PPM1L: variants seen among roughly 807,000 people sequenced by gnomAD.
PPM1L encodes protein phosphatase 1L.
In PPM1L, 13 loss-of-function variants were observed where a neutral mutation model predicts 31.4. The ratio of observed to expected loss-of-function variants is 0.41; its 90% CI spans 0.27 to 0.66. PPM1L has a LOEUF of 0.66. Among genes scored for constraint, PPM1L ranks in the 30% least tolerant of loss-of-function variants. The pLI is 0.29. For synonymous variants in PPM1L, 184 were observed against 175.4 expected (o/e 1.05, Z -0.39); for missense variants, 326 against 453.7 (o/e 0.72, Z 2.56).
At chr3:161,058,707 A>G (rs1315578541) in intron 2 of PPM1L, among the ~76,000 whole-genome samples, 1 of 152,050 alleles carries the variant, frequency 6.6e-6, no homozygotes, top group Non-Finnish European at 1.5e-5. Context: ...CCCACTCTGA[A>G]TGTTTGAAAA....
At chr3:160,920,442 GACC>G (rs1714347294) in intron 1 of PPM1L, among the ~76,000 whole-genome samples, 1 of 151,994 alleles carries the variant, frequency 6.6e-6, no homozygotes, top group African/African-American at 2.4e-5. Context: ...AAAACCTGAA[GACC>G]ACCAAAGCCT....
At chr3:160,954,605 C>G (rs552754584) in intron 1 of PPM1L, among the ~76,000 whole-genome samples, 5 of 152,204 alleles carry the variant, frequency 3.3e-5, no homozygotes, top group Admixed American at 1.3e-4. Flanking sequence ...CTCAAATGAT[C>G]CGCCCACCTC....
intron 1 of PPM1L, among the ~76,000 whole-genome samples, chr3:160,917,746 AG>A (rs1714239339): frequency 6.6e-6 from 1 of 152,168 alleles, no homozygotes; most frequent in Admixed American, 6.5e-5. Context: ...TTTCAAAGGA[AG>A]GCCAATTTGG....
intron 1 of PPM1L, among the ~76,000 whole-genome samples, chr3:160,899,064 A>G (rs1447622): frequency 0.33 from 49,566 of 151,846 alleles, 8,518 homozygotes; most frequent in East Asian, 0.51. Flanking sequence ...TGTTCCAGAT[A>G]CTGTGCTGGG....
intron 1 of PPM1L, among the ~76,000 whole-genome samples, chr3:160,823,173 C>T (rs911222308): frequency 6.6e-6 from 1 of 151,998 alleles, no homozygotes; most frequent in Admixed American, 6.6e-5. Flanking sequence ...AGATGAAATT[C>T]AGGGGACTTC....
At chr3:160,924,838 A>T (rs987506062) in intron 1 of PPM1L, among the ~76,000 whole-genome samples, 19 of 152,216 alleles carry the variant, frequency 1.2e-4, no homozygotes, top group African/African-American at 4.6e-4. Context: ...TGAACCTGAA[A>T]TTACAAGCTA....
chr3:160,862,859 T>C (rs1202489773), intron 1 of PPM1L, among the ~76,000 whole-genome samples: 2 of 152,176 alleles, frequency 1.3e-5, no homozygotes, highest in Non-Finnish European at 2.9e-5. Context: ...TTAAAAGCAC[T>C]AGTGTAAAGA....
At chr3:160,966,668 A>G (rs1011788873) in intron 2 of PPM1L, among the ~76,000 whole-genome samples, 1 of 152,132 alleles carries the variant, frequency 6.6e-6, no homozygotes, top group Non-Finnish European at 1.5e-5. Flanking sequence ...TAGACTTCAG[A>G]AAACATAAGA....
chr3:160,903,090 C>T (rs17826412), intron 1 of PPM1L, among the ~76,000 whole-genome samples: 3,935 of 151,444 alleles, frequency 0.026, 82 homozygotes, highest in Middle Eastern at 0.034. Context: ...GACAGTGATA[C>T]GAAATCATTG....
intron 2 of PPM1L, among the ~76,000 whole-genome samples, chr3:161,001,829 T>C (rs906203393): frequency 5.9e-5 from 9 of 152,136 alleles, no homozygotes; most frequent in Non-Finnish European, 1.3e-4. Flanking sequence ...TAAGGATCTT[T>C]CTTTTTTTTA....
intron 2 of PPM1L, among the ~76,000 whole-genome samples, chr3:161,057,830 A>G (rs1160978548): frequency 6.6e-6 from 1 of 151,862 alleles, no homozygotes; most frequent in Non-Finnish European, 1.5e-5. Flanking sequence ...TTCACTTGTC[A>G]TCATGCTTGC....
At chr3:160,767,428 T>A (rs1229822902) in intron 1 of PPM1L, among the ~76,000 whole-genome samples, 3 of 151,836 alleles carry the variant, frequency 2.0e-5, no homozygotes, top group Non-Finnish European at 4.4e-5. Context: ...AGAGATGGGG[T>A]TTTGCCATGT....
rs150570576 is a variant in PPM1L at position 160,784,982 on chromosome 3, T to A, written c.399+28275T>A. ...CTGACCAGTCTATCTGGCTCTGTGG[T>A]TGTTCTGAGGGTGACTGGAAACTTT... On this transcript the variant is annotated intron_variant, in intron 1 of 3. Transcript: ENST00000498165. Among the ~76,000 whole-genome samples the A allele has an allele frequency of 5.7e-4, 87 of 152,206 alleles. No homozygotes were observed. The East Asian group carries it at 0.012, about 22-fold the overall frequency.
chr3:160,981,731 A>G (rs1345556089), intron 2 of PPM1L, among the ~76,000 whole-genome samples: 2 of 103,430 alleles, frequency 1.9e-5, no homozygotes, highest in African/African-American at 7.1e-5. Context: ...TTTCCTTCTC[A>G]TTTTATTTAT....
At chr3:160,945,977 G>A (rs961951769) in intron 1 of PPM1L, among the ~76,000 whole-genome samples, 28 of 152,024 alleles carry the variant, frequency 1.8e-4, no homozygotes. Context: ...TTATGTTATT[G>A]GTAAGGCTGT....
intron 1 of PPM1L, chr3:160,842,412 G>A (rs1016853336): frequency 7.2e-5 from 48 of 668,640 alleles, no homozygotes; most frequent in Non-Finnish European, 1.3e-4. Context: ...GCCAGGCAAG[G>A]GAATTTGGAC....
At chr3:160,948,899 A>G (rs1327395734) in intron 1 of PPM1L, among the ~76,000 whole-genome samples, 2 of 152,116 alleles carry the variant, frequency 1.3e-5, no homozygotes, top group Admixed American at 1.3e-4. Context: ...AAAAATACAC[A>G]TGTCTAGACC....
chr3:161,047,056 G>A (rs953957297), intron 2 of PPM1L, among the ~76,000 whole-genome samples: 3 of 152,076 alleles, frequency 2.0e-5, no homozygotes, highest in Non-Finnish European at 4.4e-5. Flanking sequence ...CTGTCACCAC[G>A]CCTATTCAAC....
At chr3:160,916,650 A>G (rs919098542) in intron 1 of PPM1L, among the ~76,000 whole-genome samples, 12 of 152,116 alleles carry the variant, frequency 7.9e-5, no homozygotes, top group Non-Finnish European at 1.5e-4. Context: ...TTTTTTTAAG[A>G]TAGCTGCTAG....
Sources: allele counts gnomAD v4.1 joint callset (sites outside exome capture counted in the v4.1 genomes callset), GRCh38; gene constraint gnomAD v4.1.1; transcripts MANE v1.5; gene names NCBI Gene and HGNC (gene_info 2026-07-23, HGNC 2026-07-21).